Variants in HDAC9 observed in about 807,000 individuals in gnomAD.
The protein encoded by HDAC9 is histone deacetylase 9.
A neutral mutation model predicts 139.4 loss-of-function variants in HDAC9; 41 were observed. The observed-to-expected ratio is 0.29, with a 90% confidence interval of 0.23 to 0.38. HDAC9 has a LOEUF of 0.38. HDAC9 is among the 10% of genes least tolerant of loss of function. The pLI is 1.00. For missense variants in HDAC9, 1,147 were observed against 1,297.0 expected, an observed-to-expected ratio of 0.88 and a Z score of 1.78; for synonymous variants, 517 against 476.2, an observed-to-expected ratio of 1.09 and a Z score of -1.12.
At chr7:18,182,706 G>A (rs1328503852) in intron 2 of HDAC9, among the ~76,000 whole-genome samples, 1 of 152,196 alleles carries the variant, frequency 6.6e-6, no homozygotes, top group East Asian at 1.9e-4. Context: ...AGGTCTTACA[G>A]TAAATCTAGC....
At position 18,167,660 on chromosome 7, in the gene HDAC9, G is replaced by A. The variant is rs554519225; in HGVS notation, c.25+5311G>A. On this transcript the variant is annotated intron_variant, in intron 2 of 12. Transcript: ENST00000417496. Reference sequence around the variant, plus strand: ...CATTGTGCATCTCCGCATCAAGCTGGTGGGAGGGAAATTGAAGAGGTGCAT... The same window carrying A: ...CATTGTGCATCTCCGCATCAAGCTGATGGGAGGGAAATTGAAGAGGTGCAT... 3.9e-5 allele frequency among the ~76,000 whole-genome samples: 6 copies of A among 152,290 alleles called. No homozygotes were observed. In the South Asian group the frequency reaches 1.0e-3, roughly 26 times the overall value.
At chr7:18,563,472 C>T (rs559904707) in intron 2 of HDAC9, among the ~76,000 whole-genome samples, 1 of 152,200 alleles carries the variant, frequency 6.6e-6, no homozygotes, top group South Asian at 2.1e-4. Flanking sequence ...GTTATTTCCC[C>T]ATTTTCCATC....
At chr7:18,451,409 G>GTA (rs1792839529) in intron 1 of HDAC9, among the ~76,000 whole-genome samples, 1 of 115,546 alleles carries the variant, frequency 8.7e-6, no homozygotes, top group Admixed American at 9.3e-5. Context: ...GTGTATATAT[G>GTA]TGTGTGTGTG....
intron 2 of HDAC9, among the ~76,000 whole-genome samples, chr7:18,574,298 A>G (rs1825288895): frequency 6.6e-6 from 1 of 152,208 alleles, no homozygotes; most frequent in Admixed American, 6.5e-5. Flanking sequence ...TGCAGCCCTC[A>G]GTGGAGAGGT....
At chr7:18,134,088 C>G (rs1428112831) in intron 1 of HDAC9, among the ~76,000 whole-genome samples, 1 of 151,784 alleles carries the variant, frequency 6.6e-6, no homozygotes, top group Non-Finnish European at 1.5e-5. Flanking sequence ...TCCATTACAA[C>G]CATTGTGTGA....
intron 1 of HDAC9, among the ~76,000 whole-genome samples, chr7:18,355,724 G>C (rs1349339884): frequency 6.6e-6 from 1 of 152,166 alleles, no homozygotes; most frequent in African/African-American, 2.4e-5. Context: ...GTTTGGTTTG[G>C]TGAGGGATTT....
intron 22 of HDAC9, among the ~76,000 whole-genome samples, chr7:18,877,922 T>C (rs1365405129): frequency 6.6e-6 from 1 of 152,182 alleles, no homozygotes; most frequent in Non-Finnish European, 1.5e-5. Context: ...ACAATCTGAA[T>C]TACTTACTTA....
At chr7:18,781,776 A>G (rs1227679763) in intron 16 of HDAC9, among the ~76,000 whole-genome samples, 1 of 152,070 alleles carries the variant, frequency 6.6e-6, no homozygotes. Flanking sequence ...GGAAAAGGTA[A>G]TTATTTTGTT....
At chr7:18,413,921 C>T (rs1055443985) in intron 1 of HDAC9, among the ~76,000 whole-genome samples, 2 of 151,930 alleles carry the variant, frequency 1.3e-5, no homozygotes, top group African/African-American at 4.8e-5. Context: ...GGGACTTTTC[C>T]TTGAATATTG....
intron 22 of HDAC9, among the ~76,000 whole-genome samples, chr7:18,920,009 C>T (rs955526294): frequency 2.6e-5 from 4 of 151,832 alleles, no homozygotes; most frequent in Non-Finnish European, 4.4e-5. Context: ...TGAACTTTAA[C>T]GTGGTTTTTT....
chr7:18,304,958 A>G (rs11764423), intron 1 of HDAC9, among the ~76,000 whole-genome samples: 12,348 of 134,764 alleles, frequency 0.092, 718 homozygotes, highest in East Asian at 0.27. Context: ...TCCAGATGCC[A>G]TGGTCCCTGA....
chr7:18,601,500 C>G (rs1440182036), intron 6 of HDAC9, among the ~76,000 whole-genome samples: 1 of 151,722 alleles, frequency 6.6e-6, no homozygotes, highest in Non-Finnish European at 1.5e-5. Context: ...CTAGGACATT[C>G]AGAATGATGT....
chr7:18,141,736 A>T (rs1192052729), intron 1 of HDAC9, among the ~76,000 whole-genome samples: 1 of 151,848 alleles, frequency 6.6e-6, no homozygotes, highest in Non-Finnish European at 1.5e-5. Flanking sequence ...ATTCTTAGTG[A>T]CTTGTATCAT....
chr7:18,702,731 G>C (rs1476051606), intron 12 of HDAC9, among the ~76,000 whole-genome samples: 1 of 152,124 alleles, frequency 6.6e-6, no homozygotes, highest in Non-Finnish European at 1.5e-5. Flanking sequence ...AGGACAACTC[G>C]GCGGAACAAT....
intron 24 of HDAC9, among the ~76,000 whole-genome samples, chr7:18,959,982 G>A (rs1157578662): frequency 6.7e-6 from 1 of 149,164 alleles, no homozygotes; most frequent in African/African-American, 2.5e-5. Flanking sequence ...TAAAATTTGT[G>A]AGTATAGCTA....
At chr7:18,165,792 C>G (rs1433108109) in intron 2 of HDAC9, among the ~76,000 whole-genome samples, 1 of 146,034 alleles carries the variant, frequency 6.8e-6, no homozygotes, top group South Asian at 2.1e-4. Context: ...GAGCAAGACC[C>G]TGTCTCAAAA....
upstream of HDAC9, among the ~76,000 whole-genome samples, chr7:18,285,562 A>G (rs1265840035): frequency 6.6e-6 from 1 of 151,972 alleles, no homozygotes; most frequent in Non-Finnish European, 1.5e-5. Context: ...TTTCCCTGGG[A>G]AAGGTGTACC....
At chr7:18,133,340 G>GA (rs894539770) in intron 1 of HDAC9, among the ~76,000 whole-genome samples, 25 of 150,796 alleles carry the variant, frequency 1.7e-4, no homozygotes, top group Admixed American at 5.3e-4. Flanking sequence ...ACCCTCTTAA[G>GA]AAAAAAAAAT....
chr7:18,630,339 C>T (rs1296143653), intron 7 of HDAC9, among the ~76,000 whole-genome samples: 1 of 151,760 alleles, frequency 6.6e-6, no homozygotes, highest in African/African-American at 2.4e-5. Flanking sequence ...CCAATGTGGG[C>T]AGTTGGTATT....
Sources: allele counts gnomAD v4.1 joint callset (sites outside exome capture counted in the v4.1 genomes callset), GRCh38; gene constraint gnomAD v4.1.1; transcripts MANE v1.5; gene names NCBI Gene and HGNC (gene_info 2026-07-23, HGNC 2026-07-21).